EYA2: variants seen among roughly 807,000 people sequenced by gnomAD.
The protein encoded by EYA2 is EYA transcriptional coactivator and phosphatase 2.
In EYA2, 31 loss-of-function variants were observed where a neutral mutation model predicts 69.2. The observed-to-expected ratio is 0.45, with a 90% CI of 0.34 to 0.60. EYA2 has a LOEUF of 0.60. Among genes scored for constraint, EYA2 ranks in the 20% least tolerant of loss-of-function variants. The pLI is 0.02. For missense variants in EYA2, 622 were observed against 701.2 expected (o/e 0.89, Z 1.28); for synonymous variants, 257 against 279.4 (o/e 0.92, Z 0.80).
At chr20:47,050,236 C>A (rs1478186743) in intron 5 of EYA2, among the ~76,000 whole-genome samples, 1 of 152,186 alleles carries the variant, frequency 6.6e-6, no homozygotes, top group Non-Finnish European at 1.5e-5. Flanking sequence ...TAACTTTGAT[C>A]ATCAGAGTCT....
chr20:47,074,569 G>A (rs540895328), intron 7 of EYA2, among the ~76,000 whole-genome samples: 1 of 152,334 alleles, frequency 6.6e-6, no homozygotes, highest in Non-Finnish European at 1.5e-5. Flanking sequence ...GTTTGTGCAT[G>A]TGTTTAATTG....
Position 46,952,182 on chromosome 20 carries a change from A to G in EYA2, c.-10-37819A>G, listed in dbSNP as rs6018201. Among the ~76,000 whole-genome samples the G allele has an allele frequency of 5.6e-3, 856 of 152,276 alleles. 9 individuals are homozygous for G. The highest frequency in any genetic ancestry group is 0.02 in the African/African-American group (814 of 41,542). ...GGACCCTCCTTAAGGTAGGGTGGTC[A>G]GGGAGGTCTCTCTGGCAGAGGCCTG... is the stretch of plus-strand genomic sequence containing the variant. On this transcript the variant is annotated intron_variant, in intron 1 of 15. Transcript: ENST00000327619.
At chr20:46,939,415 A>G (rs6063037) in intron 1 of EYA2, among the ~76,000 whole-genome samples, 76,646 of 151,920 alleles carry the variant, frequency 0.5, 19,701 homozygotes, top group East Asian at 0.55. Context: ...AGGGGAGACA[A>G]AGAGAGATAA....
intron 4 of EYA2, 43 bp from the exon 5 acceptor site, chr20:47,016,138 T>G: frequency 7.2e-7 from 1 of 1,396,138 alleles, no homozygotes; most frequent in Non-Finnish European, 1.0e-6. Flanking sequence ...CGCATCCTAA[T>G]CATGTGTCCT....
intron 1 of EYA2, among the ~76,000 whole-genome samples, chr20:46,960,611 A>C (rs1189443551): frequency 6.6e-6 from 1 of 152,122 alleles, no homozygotes; most frequent in African/African-American, 2.4e-5. Context: ...GAGGAGGCAA[A>C]CCATGTCTCA....
At chr20:46,940,088 G>A (rs917708350) in intron 1 of EYA2, among the ~76,000 whole-genome samples, 1 of 152,068 alleles carries the variant, frequency 6.6e-6, no homozygotes, top group Non-Finnish European at 1.5e-5. Context: ...CCTACCTGAG[G>A]ATGTCAGAAA....
intron 5 of EYA2, among the ~76,000 whole-genome samples, chr20:47,046,916 G>A (rs753143169): frequency 6.6e-6 from 1 of 152,102 alleles, no homozygotes; most frequent in Non-Finnish European, 1.5e-5. Flanking sequence ...CCTTAGACAT[G>A]TTACTTAACT....
chr20:47,041,735 A>T (rs1265503500), intron 5 of EYA2, among the ~76,000 whole-genome samples: 3 of 152,230 alleles, frequency 2.0e-5, no homozygotes, highest in Non-Finnish European at 1.5e-5. Context: ...GTTTTAGGAT[A>T]GGTGCTCAGA....
At chr20:46,980,482 T>C (rs1980760545) in intron 1 of EYA2, among the ~76,000 whole-genome samples, 1 of 152,220 alleles carries the variant, frequency 6.6e-6, no homozygotes, top group Admixed American at 6.5e-5. Flanking sequence ...TTGTTTTTTA[T>C]TGATACATAA....
At chr20:47,060,786 C>T (rs895788822) in intron 5 of EYA2, among the ~76,000 whole-genome samples, 5 of 151,934 alleles carry the variant, frequency 3.3e-5, no homozygotes, top group African/African-American at 4.8e-5. Context: ...CTGCCGGCCT[C>T]GGACTCTTCA....
At chr20:47,108,856 G>A (rs1325579799) in intron 9 of EYA2, among the ~76,000 whole-genome samples, 1 of 151,958 alleles carries the variant, frequency 6.6e-6, no homozygotes, top group Non-Finnish European at 1.5e-5. Context: ...CATCCAGCCT[G>A]AGCTCCATTC....
rs895693094 is a variant in EYA2 at position 46,956,614 on chromosome 20, C to G, written c.-10-33387C>G. ...GCCCTACACATTGCACACATCTCTT[C>G]TGCTCATGGTCCATTAGCCGGAACT... On this transcript the variant is annotated intron_variant, in intron 1 of 15. Transcript: ENST00000327619. 2.0e-5 allele frequency among the ~76,000 whole-genome samples: 3 copies of G among 152,344 alleles called. No homozygotes were observed. The South Asian group carries it at 6.2e-4, about 32-fold the overall frequency.
intron 2 of EYA2, 90 bp from the exon 3 acceptor site, chr20:47,001,338 C>G: frequency 1.8e-6 from 2 of 1,130,798 alleles, no homozygotes; most frequent in Non-Finnish European, 2.7e-6. Flanking sequence ...TCCAAGTCTG[C>G]TCCTGCTTAA....
chr20:47,063,959 GC>G (rs1322493057), intron 5 of EYA2, among the ~76,000 whole-genome samples: 1 of 152,106 alleles, frequency 6.6e-6, no homozygotes, highest in Non-Finnish European at 1.5e-5. Flanking sequence ...AATAGTCAAG[GC>G]CCTCCACCAG....
chr20:47,119,182 C>T (rs2032981744), intron 9 of EYA2, among the ~76,000 whole-genome samples: 1 of 152,220 alleles, frequency 6.6e-6, no homozygotes, highest in Non-Finnish European at 1.5e-5. Flanking sequence ...TAGTGTTCTT[C>T]CAGCGTCCAA....
intron 2 of EYA2, among the ~76,000 whole-genome samples, chr20:46,991,264 A>T (rs1981642139): frequency 6.6e-6 from 1 of 152,226 alleles, no homozygotes; most frequent in Non-Finnish European, 1.5e-5. Context: ...TAGTAACAGG[A>T]AAGGACATAG....
chr20:46,950,774 G>C (rs1978747931), intron 1 of EYA2, among the ~76,000 whole-genome samples: 1 of 152,192 alleles, frequency 6.6e-6, no homozygotes, highest in Admixed American at 6.5e-5. Context: ...TGGTGTCTTT[G>C]TGTGGGTTCC....
At chr20:47,050,762 G>C (rs1343319968) in intron 5 of EYA2, among the ~76,000 whole-genome samples, 1 of 152,224 alleles carries the variant, frequency 6.6e-6, no homozygotes, top group Non-Finnish European at 1.5e-5. Flanking sequence ...GGAATTTACA[G>C]GTCTGCAGAA....
intron 5 of EYA2, among the ~76,000 whole-genome samples, chr20:47,020,021 GCTA>G (rs1482792037): frequency 6.7e-6 from 1 of 149,846 alleles, no homozygotes; most frequent in Non-Finnish European, 1.5e-5. Context: ...TGTAGTTCCA[GCTA>G]CTCAGGAAGC....
Sources: gnomAD v4.1 joint callset for allele counts (sites outside exome capture counted in the v4.1 genomes callset) on GRCh38, gnomAD v4.1.1 for gene constraint, MANE v1.5 for transcripts, NCBI Gene and HGNC (gene_info 2026-07-23, HGNC 2026-07-21) for gene names.